Variants in ABHD12 observed in about 807,000 individuals in gnomAD.
The protein encoded by ABHD12 is abhydrolase domain containing 12, lysophospholipase, also known as lysophosphatidylserine lipase ABHD12.
A neutral mutation model predicts 58.3 loss-of-function variants in ABHD12; 43 were observed. The ratio of observed to expected loss-of-function variants is 0.74; its 90% CI spans 0.58 to 0.95. The LOEUF (loss-of-function observed/expected upper bound fraction) is 0.95, where lower values mean the gene tolerates loss of function less well. ABHD12 is among the 40% of genes least tolerant of loss of function. The probability of loss-of-function intolerance (pLI) is 0.00; values close to 1 mark genes in which losing one functional copy is unlikely to be tolerated. For missense variants in ABHD12, 539 were observed against 537.2 expected, an observed-to-expected ratio of 1.00 and a Z score of -0.03; for synonymous variants, 219 against 211.2, an observed-to-expected ratio of 1.04 and a Z score of -0.32.
At chr20:25,342,726 G>A (rs1271048728) in intron 1 of ABHD12, among the ~76,000 whole-genome samples, 1 of 151,982 alleles carries the variant, frequency 6.6e-6, no homozygotes, top group East Asian at 1.9e-4. Context: ...GGCCTCCCAA[G>A]TAGCTCAGAC....
intron 1 of ABHD12, among the ~76,000 whole-genome samples, chr20:25,350,959 TCACACACACACACACACACACACACA>T (rs61061019): frequency 1.2e-4 from 17 of 142,316 alleles, no homozygotes; most frequent in African/African-American, 3.9e-4. Context: ...TACGAATCCT[TCACACACACACACACACACACACACA>T]CACACACACA....
chr20:25,296,368 AG>A (rs1433726533), downstream of ABHD12: 10 of 1,613,942 alleles, frequency 6.2e-6, no homozygotes, highest in Non-Finnish European at 8.5e-6. Context: ...CCTTCCCTGC[AG>A]AACCCCAAGG....
chr20:25,351,773 T>G (rs1423891386), intron 1 of ABHD12, among the ~76,000 whole-genome samples: 1 of 152,018 alleles, frequency 6.6e-6, no homozygotes, highest in South Asian at 2.1e-4. Context: ...TGGTGGCACA[T>G]GCCTGTAATC....
In ABHD12 at chr20:25,307,998, G is replaced by A. The variant is rs145964823; in HGVS notation, c.835C>T (p.Arg279Cys). The A allele has an allele frequency of 1.1e-4, 178 of 1,609,036 alleles. 2 individuals carry two copies. The highest frequency in any genetic ancestry group is 1.3e-4 in the South Asian group (12 of 90,998). ...LILESPFTNI[R>C]EEAKSHPFSV... Reference sequence around the variant, plus strand: ...AATGGATGGCTCTTAGCTTCTTCGCGGATATTAGTGAATGGAGATTCCAAT... The same window carrying A: ...AATGGATGGCTCTTAGCTTCTTCGCAGATATTAGTGAATGGAGATTCCAAT... The change falls in exon 9 of 13, where the codon CGC becomes TGC. Residue 279 changes from arginine to cysteine, a missense_variant. Coordinates refer to ENST00000339157, the MANE Select transcript of ABHD12 (RefSeq NM_001042472.3).
Position 25,390,762 on chromosome 20 carries a change from C to G in ABHD12, c.-59G>C, listed in dbSNP as rs1311427997. The G allele has an allele frequency of 8.6e-5, 99 of 1,149,620 alleles. No individual in the cohort carries two copies. The highest frequency in any genetic ancestry group is 8.5e-5 in the Non-Finnish European group (78 of 918,010). The allele number at this position is 1,149,620 out of a possible 1,614,324, so 71.2% of individuals were successfully genotyped here. ...CCGCTGGCCTGCGCCGCAGTGCCGC[C>G]GCTCACAGCCGCCGCCACCCAGAGC... On this transcript the variant is annotated 5_prime_UTR_variant, in exon 1 of 13. Transcript: ENST00000339157.
chr20:25,332,346 C>T (rs2089291777), intron 2 of ABHD12, among the ~76,000 whole-genome samples: 1 of 151,998 alleles, frequency 6.6e-6, no homozygotes, highest in Non-Finnish European at 1.5e-5. Flanking sequence ...GACTCCCACA[C>T]ATTAATAATG....
chr20:25,321,298 G>A (rs749032166), intron 3 of ABHD12, among the ~76,000 whole-genome samples: 3 of 152,274 alleles, frequency 2.0e-5, no homozygotes, highest in Non-Finnish European at 2.9e-5. Flanking sequence ...GGAACTCCTA[G>A]CCAGCAGAGA....
intron 3 of ABHD12, among the ~76,000 whole-genome samples, chr20:25,321,933 A>G (rs2089073655): frequency 6.6e-6 from 1 of 152,270 alleles, no homozygotes; most frequent in Non-Finnish European, 1.5e-5. Flanking sequence ...GACCACTGTT[A>G]GAAATGTCTG....
intron 1 of ABHD12, among the ~76,000 whole-genome samples, chr20:25,386,991 CATT>C (rs909671992): frequency 2.8e-4 from 42 of 152,282 alleles, no homozygotes; most frequent in African/African-American, 1.0e-3. Flanking sequence ...TACTATAACT[CATT>C]ATGTTAACAG....
Position 25,333,846 on chromosome 20 carries a change from A to G in ABHD12, c.316+5381T>C, listed in dbSNP as rs1186244336. 3.3e-5 allele frequency among the ~76,000 whole-genome samples: 5 copies of G among 152,248 alleles called. 1 individual carries two copies. The highest frequency in any genetic ancestry group is 9.6e-5 in the African/African-American group (4 of 41,532). ...GCTATCTATGACAAACCCACAGCCA[A>G]TATCATACTGAATGGGCAAAAACTG... is the stretch of plus-strand genomic sequence containing the variant. On this transcript the variant is annotated intron_variant, in intron 2 of 12. Coordinates refer to ENST00000339157, the MANE Select transcript of ABHD12 (RefSeq NM_001042472.3).
downstream of ABHD12, chr20:25,297,829 G>GTGGGA (rs2088573303): frequency 1.8e-5 from 1 of 56,174 alleles, no homozygotes; most frequent in East Asian, 0.024. Flanking sequence ...CTTTTATTGA[G>GTGGGA]TGGGGCAAGT....
intron 1 of ABHD12, 74 bp downstream of exon 1, chr20:25,390,439 G>A (rs2090155756): frequency 8.4e-6 from 11 of 1,306,056 alleles, no homozygotes; most frequent in East Asian, 7.9e-5. Context: ...AGGTACCGCG[G>A]CCCCCTGCGG....
At chr20:25,332,299 C>T (rs1416994219) in intron 2 of ABHD12, among the ~76,000 whole-genome samples, 1 of 151,704 alleles carries the variant, frequency 6.6e-6, no homozygotes, top group Non-Finnish European at 1.5e-5. Flanking sequence ...CACCCAGATT[C>T]ATAAAGCAAG....
At chr20:25,313,578 A>AAAAAT (rs56792874) in intron 6 of ABHD12, among the ~76,000 whole-genome samples, 37,753 of 131,352 alleles carry the variant, frequency 0.29, 6,103 homozygotes, top group Admixed American at 0.41. Flanking sequence ...AATGATCAAT[A>AAAAAT]AAAATAAAAT....
At chr20:25,320,063 T>C in intron 4 of ABHD12, 136 bp downstream of exon 4, 2 of 1,235,358 alleles carry the variant, frequency 1.6e-6, no homozygotes, top group Non-Finnish European at 1.1e-6. Context: ...CTCTCCCTCA[T>C]TGCAGTGGGT....
Position 25,338,901 on chromosome 20 carries a change from T to TA in ABHD12, c.316+325dup. On this transcript the variant is annotated intron_variant, in intron 2 of 12. Coordinates refer to ENST00000339157, the MANE Select transcript of ABHD12 (RefSeq NM_001042472.3). Reference sequence around the variant, plus strand: ...TTTACTCACCTCAGCTGAAGACAGATACGCTGGTCCCCCAGGGCAGTGTAG... The same window carrying TA: ...TTTACTCACCTCAGCTGAAGACAGATAACGCTGGTCCCCCAGGGCAGTGTAG... 6 of 1,162,952 alleles carry TA rather than the reference T, an allele frequency of 5.2e-6. No homozygotes were observed. The South Asian group carries it at 5.8e-5, about 11-fold the overall frequency. The allele number at this position is 1,162,952 out of a possible 1,614,324, so 72.0% of individuals were successfully genotyped here.
intron 3 of ABHD12, among the ~76,000 whole-genome samples, chr20:25,322,927 C>T (rs1423288681): frequency 6.6e-6 from 1 of 150,588 alleles, no homozygotes; most frequent in African/African-American, 2.4e-5. Flanking sequence ...TTCACCTTGT[C>T]GCCAAGGCTG....
intron 2 of ABHD12, among the ~76,000 whole-genome samples, chr20:25,333,490 C>T (rs1346711362): frequency 6.8e-6 from 1 of 146,876 alleles, no homozygotes; most frequent in African/African-American, 2.5e-5. Context: ...CAAAGCCGGG[C>T]AGAGACACAA....
intron 1 of ABHD12, among the ~76,000 whole-genome samples, chr20:25,346,647 T>C (rs1181095779): frequency 2.0e-5 from 3 of 152,084 alleles, no homozygotes; most frequent in Non-Finnish European, 4.4e-5. Context: ...AAAAATAAAG[T>C]TTATTTATTT....
Sources: allele counts gnomAD v4.1 joint callset (sites outside exome capture counted in the v4.1 genomes callset), GRCh38; gene constraint gnomAD v4.1.1; transcripts MANE v1.5; gene names NCBI Gene and HGNC (gene_info 2026-07-23, HGNC 2026-07-21).